Variants in BIRC6 observed in about 807,000 individuals in gnomAD.
BIRC6 encodes baculoviral IAP repeat containing 6.
A neutral mutation model predicts 503.3 loss-of-function variants in BIRC6; 98 were observed. The observed-to-expected ratio is 0.19, with a 90% CI of 0.17 to 0.23. BIRC6 has a LOEUF of 0.23. BIRC6 is among the 10% of genes least tolerant of loss of function. The pLI is 1.00. For synonymous variants in BIRC6, 2,240 were observed against 2,078.7 expected (o/e 1.08, Z -2.11); for missense variants, 5,360 against 5,806.0 (o/e 0.92, Z 2.50).
chr2:32,504,024 G>GA (rs2053504183), intron 49 of BIRC6, among the ~76,000 whole-genome samples: 1 of 102,718 alleles, frequency 9.7e-6, no homozygotes. Flanking sequence ...GGCGGGGGGT[G>GA]GGGGGGTGTT....
chr2:32,393,853 G>C (rs1343537541), intron 5 of BIRC6, among the ~76,000 whole-genome samples: 1 of 151,902 alleles, frequency 6.6e-6, no homozygotes, highest in African/African-American at 2.4e-5. Flanking sequence ...TTTGAAGTAC[G>C]TTAAAGTAAC....
At chr2:32,380,548 G>A (rs569354500) in intron 3 of BIRC6, among the ~76,000 whole-genome samples, 2 of 152,070 alleles carry the variant, frequency 1.3e-5, no homozygotes, top group South Asian at 4.2e-4. Flanking sequence ...CCAACATGGC[G>A]AAACCCCATC....
chr2:32,487,517 G>A, intron 40 of BIRC6, 130 bp from the exon 41 acceptor site: 1 of 736,442 alleles, frequency 1.4e-6, no homozygotes, highest in Non-Finnish European at 2.1e-6. Context: ...ACTAAATATT[G>A]TTTTGAACCA....
rs1284841076 is a variant in BIRC6, at chr2:32,499,817, G to A, written c.8739G>A (p.Met2913Ile). Residue 2913 changes from methionine (M) to isoleucine (I), a missense_variant, in exon 46 of 74, where the codon ATG (methionine) becomes ATA (isoleucine). Around this residue, in one of 16 missense-constraint regions of BIRC6, gnomAD observed 2,299 missense variants for 2,267.2 expected, o/e 1.01. Transcript: ENST00000421745. ...PGDAKAVCGEMTRDQLMFDLL... is the reference protein window; with the variant it reads ...PGDAKAVCGEITRDQLMFDLL... ...ATGCAAAAGCAGTTTGTGGCGAAAT[G>A]ACAAGAGATCAACTCATGTTTGATT... 1 of 1,614,004 alleles carries A rather than the reference G, an allele frequency of 6.2e-7. No homozygotes were observed. The highest frequency in any genetic ancestry group is 2.2e-5 in the East Asian group (1 of 44,884).
chr2:32,556,955 G>GAAAT (rs386389867), intron 65 of BIRC6, among the ~76,000 whole-genome samples: 3 of 151,560 alleles, frequency 2.0e-5, no homozygotes, highest in Non-Finnish European at 4.4e-5. Context: ...CAAAAAGAAA[G>GAAAT]AAAGAGTTAC....
chr2:32,408,638 TC>T (rs1427518238), intron 9 of BIRC6, among the ~76,000 whole-genome samples: 2 of 152,218 alleles, frequency 1.3e-5, no homozygotes, highest in Non-Finnish European at 2.9e-5. Flanking sequence ...TTACCCTTTT[TC>T]TACCTTTATT....
intron 66 of BIRC6, among the ~76,000 whole-genome samples, chr2:32,582,990 G>A (rs2060783792): frequency 6.6e-6 from 1 of 152,072 alleles, no homozygotes; most frequent in Admixed American, 6.5e-5. Flanking sequence ...TAGACTTTAA[G>A]CCGTGTTTTA....
rs1021659503 is a variant in BIRC6, at chr2:32,377,742, G to C, written c.480G>C (p.Val160=). ...CTCCAGTTTCAAAGCAGGATGATGT[G>C]GTTCAGCTTGAATTACCCGTTACAG... The part of the protein sequence containing the change: ...LQTPVSKQDD[V]VQLELPVTEA... Residue 160 remains valine (V), a synonymous_variant, in exon 2 of 74, where the codon GTG becomes GTC. Coordinates refer to ENST00000421745, the MANE Select transcript of BIRC6 (RefSeq NM_016252.4). 1 of 1,612,840 alleles carries C rather than the reference G, an allele frequency of 6.2e-7. No individual in the cohort carries two copies. Among genetic ancestry groups the C allele is most frequent in the East Asian group, 2.2e-5 (1 of 44,826 alleles).
At chr2:32,476,444 C>A in intron 34 of BIRC6, 100 bp downstream of exon 34, 1 of 1,293,576 alleles carries the variant, frequency 7.7e-7, no homozygotes, top group Non-Finnish European at 1.0e-6. Context: ...CTCTGCTTAA[C>A]AGAGAAGCCA....
chr2:32,545,827 A>C lies in BIRC6; in HGVS notation c.12777A>C (p.Pro4259=). Reference sequence around the variant, plus strand: ...TCTCTGCTTTGAGCCACCATTCCCCACGAGTTCCAAACTCTAGCGTGAATC... The same window carrying C: ...TCTCTGCTTTGAGCCACCATTCCCCCCGAGTTCCAAACTCTAGCGTGAATC... ...VCLSALSHHS[P]RVPNSSVNQT... Residue 4259 remains proline (P), a synonymous_variant, in exon 63 of 74, where the codon CCA becomes CCC. Transcript: ENST00000421745. The C allele has an allele frequency of 6.2e-7, 1 of 1,613,774 alleles. No homozygotes were observed. The highest frequency in any genetic ancestry group is 8.5e-7 in the Non-Finnish European group (1 of 1,179,788).
At chr2:32,543,857 A>G (rs1160948983) in intron 62 of BIRC6, among the ~76,000 whole-genome samples, 2 of 152,230 alleles carry the variant, frequency 1.3e-5, no homozygotes, top group East Asian at 3.8e-4. Flanking sequence ...GAAACAAGGG[A>G]TGTACATAAA....
Position 32,473,107 on chromosome 2 carries a change from T to G in BIRC6, c.6593-5T>G. On this transcript the variant is annotated splice_polypyrimidine_tract_variant and splice_region_variant and intron_variant, in intron 32 of 73. Transcript: ENST00000421745. ...TTATTAATACAAGTTTTCCTTCGCC[T>G]GTAGGTAATCAGTGGAGTTTTATTA... 6.4e-7 allele frequency: 1 copy of G among 1,567,664 alleles called. No individual in the cohort carries two copies. The highest frequency in any genetic ancestry group is 8.6e-7 in the Non-Finnish European group (1 of 1,157,760).
Position 32,476,284 on chromosome 2 carries a change from C to A in BIRC6, c.6792C>A (p.Asn2264Lys). The change falls in exon 34 of 74, where the codon AAC becomes AAA. Residue 2264 changes from asparagine to lysine, a missense_variant. Around this residue, in one of 16 missense-constraint regions of BIRC6, gnomAD observed 2,299 missense variants for 2,267.2 expected, o/e 1.01. Coordinates refer to ENST00000421745, the MANE Select transcript of BIRC6 (RefSeq NM_016252.4). Reference protein sequence around the residue: ...EQMEKEKIQSNKGSSYKLLVE... With the variant: ...EQMEKEKIQSKKGSSYKLLVE... ...TGGAAAAAGAAAAAATACAAAGTAA[C>A]AAAGGATCATCATATAAACTCCTGG... 1 of 1,565,638 alleles carries A rather than the reference C, an allele frequency of 6.4e-7. No individual in the cohort carries two copies. Among genetic ancestry groups the A allele is most frequent in the East Asian group, 2.3e-5 (1 of 42,692 alleles).
At chr2:32,615,870 T>C (rs2063195497) in intron 73 of BIRC6, among the ~76,000 whole-genome samples, 1 of 152,110 alleles carries the variant, frequency 6.6e-6, no homozygotes, top group South Asian at 2.1e-4. Flanking sequence ...TTTGACCTCG[T>C]GATCTGCCCG....
rs374118979 is a variant in BIRC6, at chr2:32,413,864, C to G, written c.1478-905C>G. ...ACATTTTCCTGTTACTTTAAATGAA[C>G]TCTAGATTACTTATAATATCTACTA... On this transcript the variant is annotated intron_variant, in intron 9 of 73. Transcript: ENST00000421745. 1.4e-4 allele frequency among the ~76,000 whole-genome samples: 21 copies of G among 152,178 alleles called. No individual in the cohort carries two copies. In the South Asian group the frequency reaches 2.3e-3, roughly 17 times the overall value.
intron 65 of BIRC6, among the ~76,000 whole-genome samples, chr2:32,571,666 A>G (rs114679676): frequency 6.6e-6 from 1 of 151,356 alleles, no homozygotes; most frequent in African/African-American, 2.4e-5. Flanking sequence ...CTAATAGTTT[A>G]TCAGTTTTGT....
intron 32 of BIRC6, 187 bp from the exon 33 acceptor site, chr2:32,472,925 A>G (rs916696673): frequency 2.0e-6 from 1 of 508,932 alleles, no homozygotes; most frequent in Non-Finnish European, 3.5e-6. Context: ...TCTACATTAG[A>G]TAATTGACAG....
At chr2:32,526,621 G>T (rs12466713) in intron 59 of BIRC6, 22,546 of 153,318 alleles carry the variant, frequency 0.15, 1,812 homozygotes, top group Admixed American at 0.22. Context: ...TGCAAGTGGT[G>T]AATAGAGGTT....
intron 61 of BIRC6, 130 bp downstream of exon 61, chr2:32,531,681 A>G (rs1296499898): frequency 1.7e-5 from 14 of 807,994 alleles, no homozygotes; most frequent in Non-Finnish European, 2.5e-5. Flanking sequence ...TTTGAACATT[A>G]TATAACTCTT....
Sources: gnomAD v4.1 joint callset for allele counts (sites outside exome capture counted in the v4.1 genomes callset) on GRCh38, gnomAD v4.1.1 for gene constraint, gnomAD v4.1.1 regional missense constraint, MANE v1.5 for transcripts, NCBI Gene and HGNC (gene_info 2026-07-23, HGNC 2026-07-21) for gene names.